Variants in FARS2 observed in about 807,000 individuals in gnomAD.
FARS2 encodes phenylalanine--tRNA ligase, mitochondrial.
In FARS2, 40 loss-of-function variants were observed where a neutral mutation model predicts 46.4. The ratio of observed to expected loss-of-function variants is 0.86; its 90% confidence interval spans 0.67 to 1.12. The LOEUF (loss-of-function observed/expected upper bound fraction) is 1.12. Ranked by LOEUF, FARS2 falls within the 50% of genes most tolerant of loss-of-function variation. The probability of loss-of-function intolerance (pLI) is 0.00; values close to 1 mark genes in which losing one functional copy is unlikely to be tolerated. For synonymous variants in FARS2, 234 were observed against 214.9 expected, an observed-to-expected ratio of 1.09 and a Z score of -0.78; for missense variants, 513 against 567.9, an observed-to-expected ratio of 0.90 and a Z score of 0.98.
At chr6:5,394,572 A>G (rs889595555) in intron 2 of FARS2, among the ~76,000 whole-genome samples, 1 of 152,216 alleles carries the variant, frequency 6.6e-6, no homozygotes, top group Non-Finnish European at 1.5e-5. Flanking sequence ...TATAAAAATT[A>G]CAGTAAAACT....
chr6:5,747,545 T>A (rs942556904), intron 6 of FARS2, among the ~76,000 whole-genome samples: 3 of 152,198 alleles, frequency 2.0e-5, no homozygotes, highest in Non-Finnish European at 2.9e-5. Flanking sequence ...ATGCTGTTGG[T>A]CTCACAGGCC....
chr6:5,354,128 C>G (rs1410809926), intron 1 of FARS2, among the ~76,000 whole-genome samples: 2 of 152,078 alleles, frequency 1.3e-5, no homozygotes, highest in African/African-American at 4.8e-5. Context: ...TTCAAAGCCT[C>G]TAAAGATAAA....
chr6:5,528,031 A>G (rs1204520768), intron 4 of FARS2, among the ~76,000 whole-genome samples: 1 of 152,214 alleles, frequency 6.6e-6, no homozygotes, highest in Non-Finnish European at 1.5e-5. Context: ...GCCTTTAACT[A>G]TTAATAAATG....
chr6:5,465,681 A>G (rs543588671), intron 4 of FARS2, among the ~76,000 whole-genome samples: 14 of 152,100 alleles, frequency 9.2e-5, no homozygotes, highest in African/African-American at 1.9e-4. Flanking sequence ...CAGTCCTATA[A>G]CCTTTGGTAT....
chr6:5,338,033 A>T (rs535386238), intron 1 of FARS2, among the ~76,000 whole-genome samples: 2 of 152,340 alleles, frequency 1.3e-5, no homozygotes, highest in Non-Finnish European at 2.9e-5. Flanking sequence ...TTTAAAATAG[A>T]TAATTGTATA....
At chr6:5,257,183 G>A (rs2127782899), upstream of FARS2, among the ~76,000 whole-genome samples, 1 of 152,126 alleles carries the variant, frequency 6.6e-6, no homozygotes, top group African/African-American at 2.4e-5. Context: ...TAAAGTCCAG[G>A]GTCCTCAGCA....
rs114785040 is a variant in FARS2 at position 5,446,937 on chromosome 6, G to A, written c.904+15765G>A. Among the ~76,000 whole-genome samples the A allele has an allele frequency of 6.5e-3, 984 of 152,230 alleles. 15 individuals are homozygous for A. Among genetic ancestry groups the A allele is most frequent in the African/African-American group, 0.021 (889 of 41,524 alleles). ...GCACTGTGTGTTTGGGAAGACTGAC[G>A]CATGGATGTCTGGATTACACCATGA... On this transcript the variant is annotated intron_variant, in intron 4 of 6. Coordinates refer to ENST00000274680, the MANE Select transcript of FARS2 (RefSeq NM_006567.5).
At chr6:5,381,920 G>C (rs1759822430) in intron 2 of FARS2, among the ~76,000 whole-genome samples, 1 of 152,204 alleles carries the variant, frequency 6.6e-6, no homozygotes, top group Admixed American at 6.5e-5. Flanking sequence ...GCATTCCTAA[G>C]TTGTGGTCAT....
chr6:5,432,220 G>C (rs985049890), intron 4 of FARS2, among the ~76,000 whole-genome samples: 3 of 146,230 alleles, frequency 2.1e-5, no homozygotes, highest in Non-Finnish European at 4.5e-5. Context: ...GGAGGCTGAG[G>C]CAGGAGAATC....
intron 6 of FARS2, among the ~76,000 whole-genome samples, chr6:5,698,467 G>A (rs147280619): frequency 1.9e-4 from 29 of 152,300 alleles, no homozygotes; most frequent in Non-Finnish European, 3.4e-4. Context: ...TTATAACTCA[G>A]CATGAGATTT....
chr6:5,548,619 C>T (rs1460989044), intron 5 of FARS2, among the ~76,000 whole-genome samples: 1 of 152,108 alleles, frequency 6.6e-6, no homozygotes, highest in African/African-American at 2.4e-5. Flanking sequence ...GAATGGTGTG[C>T]TCAACACCAT....
At position 5,671,746 on chromosome 6, in the gene FARS2, TGA is replaced by T. The variant is rs79150921; in HGVS notation, c.1217+58430_1217+58431del. ...AGTTTTTAGATTAGATTTTGCCTCA[TGA>T]GAGCTCTTCTGAGCTGGATGGCTTG... On this transcript the variant is annotated intron_variant, in intron 6 of 6. Coordinates refer to ENST00000274680, the MANE Select transcript of FARS2 (RefSeq NM_006567.5). Among the ~76,000 whole-genome samples, 14 of 152,300 alleles carry T rather than the reference TGA, an allele frequency of 9.2e-5. No homozygotes were observed. The East Asian group carries it at 2.7e-3, about 29-fold the overall frequency.
rs532134226 is a variant in FARS2, at chr6:5,337,246, G to A, written c.-21-31304G>A. ...TAAAATATCAGAGTTTGTTTGCTGTGTCAAGTCTTGTGTTAGTTTTCATTA... is the reference window on the plus strand; with the variant it reads ...TAAAATATCAGAGTTTGTTTGCTGTATCAAGTCTTGTGTTAGTTTTCATTA... On this transcript the variant is annotated intron_variant, in intron 1 of 6. Coordinates refer to ENST00000274680, the MANE Select transcript of FARS2 (RefSeq NM_006567.5). 1.1e-4 allele frequency among the ~76,000 whole-genome samples: 16 copies of A among 151,880 alleles called. No individual in the cohort carries two copies. The South Asian group carries it at 3.1e-3, about 30-fold the overall frequency.
intron 6 of FARS2, among the ~76,000 whole-genome samples, chr6:5,736,037 G>A (rs116068067): frequency 0.052 from 7,895 of 152,268 alleles, 679 homozygotes; most frequent in African/African-American, 0.18. Flanking sequence ...TCTGGCTGTC[G>A]ATTTCTCACG....
intron 2 of FARS2, among the ~76,000 whole-genome samples, chr6:5,378,244 G>GAACCACTGTCCTCAAACCACTGTCCTCA (rs757185163): frequency 2.6e-5 from 4 of 152,054 alleles, no homozygotes; most frequent in Non-Finnish European, 4.4e-5. Context: ...ACACGTTTGA[G>GAACCACTGTCCTCAAACCACTGTCCTCA]AACCACTGTC....
intron 1 of FARS2, among the ~76,000 whole-genome samples, chr6:5,341,607 C>T (rs1771661573): frequency 6.6e-6 from 1 of 151,956 alleles, no homozygotes; most frequent in South Asian, 2.1e-4. Flanking sequence ...CAACCTCCAT[C>T]TCTCAGGTTC....
chr6:5,765,382 C>T lies in FARS2; in HGVS notation c.1218-5909C>T, dbSNP rs1015667108. Among the ~76,000 whole-genome samples the T allele has an allele frequency of 3.9e-5, 6 of 152,230 alleles. No individual in the cohort carries two copies. The highest frequency in any genetic ancestry group is 9.6e-5 in the African/African-American group (4 of 41,460). ...CTGAATCTCTCAGAAGGGGAGCTGA[C>T]GGGCGGCAGTGGGAGAGTGGAAGAG... On this transcript the variant is annotated intron_variant, in intron 6 of 6. Coordinates refer to ENST00000274680, the MANE Select transcript of FARS2 (RefSeq NM_006567.5). This position sits in a 1 kb window ranked among gnomAD's most constrained non-coding sequence, Gnocchi z 4.0.
At chr6:5,674,664 T>G (rs191043519) in intron 6 of FARS2, among the ~76,000 whole-genome samples, 6 of 152,208 alleles carry the variant, frequency 3.9e-5, no homozygotes, top group South Asian at 4.1e-4. Flanking sequence ...TTGCCTAGGC[T>G]CTCAGATTCT....
chr6:5,379,822 CT>C (rs1332298848), intron 2 of FARS2, among the ~76,000 whole-genome samples: 1 of 152,178 alleles, frequency 6.6e-6, no homozygotes, highest in Non-Finnish European at 1.5e-5. Context: ...GAATACCTTC[CT>C]TTGCCATGTC....
Sources: allele counts gnomAD v4.1 joint callset (sites outside exome capture counted in the v4.1 genomes callset), GRCh38; gene constraint gnomAD v4.1.1; non-coding constraint Gnocchi (gnomAD v3.1); transcripts MANE v1.5; gene names NCBI Gene and HGNC (gene_info 2026-07-23, HGNC 2026-07-21).